PRDM16: variants seen among roughly 807,000 people sequenced by gnomAD.
PRDM16 encodes histone-lysine N-methyltransferase PRDM16.
A neutral mutation model predicts 110.6 loss-of-function variants in PRDM16; 23 were observed. The observed-to-expected ratio is 0.21, with a 90% CI of 0.15 to 0.29. The LOEUF is 0.29. PRDM16 is among the 10% of genes least tolerant of loss of function. The pLI, the probability that PRDM16 is intolerant of heterozygous loss-of-function variation, is 1.00. For missense variants in PRDM16, 1,615 were observed against 1,794.3 expected, an observed-to-expected ratio of 0.90 and a Z score of 1.81; for synonymous variants, 799 against 781.8, an observed-to-expected ratio of 1.02 and a Z score of -0.37.
At chr1:3,100,743 G>A (rs576749772) in intron 1 of PRDM16, among the ~76,000 whole-genome samples, 1 of 152,272 alleles carries the variant, frequency 6.6e-6, no homozygotes, top group East Asian at 1.9e-4. Flanking sequence ...TAGGGCTGGT[G>A]GGTCCTGTGG....
intron 3 of PRDM16, among the ~76,000 whole-genome samples, chr1:3,379,175 A>C (rs188969224): frequency 0.022 from 393 of 17,842 alleles, 7 homozygotes; most frequent in African/African-American, 0.057. Flanking sequence ...CCCCTCCCAA[A>C]ACACCCCTCC....
intron 1 of PRDM16, among the ~76,000 whole-genome samples, chr1:3,083,259 C>T (rs1293889045): frequency 6.6e-6 from 1 of 152,200 alleles, no homozygotes; most frequent in Non-Finnish European, 1.5e-5. Flanking sequence ...CTGCGCCCCA[C>T]CAAGCAGCAA....
At chr1:3,252,761 C>T (rs1018784094) in intron 3 of PRDM16, among the ~76,000 whole-genome samples, 15 of 152,090 alleles carry the variant, frequency 9.9e-5, no homozygotes, top group African/African-American at 9.7e-5. Flanking sequence ...CTGCGTGGAC[C>T]GTGGGGGTCC....
chr1:3,176,744 C>CCGTCCATA (rs1644095350), intron 1 of PRDM16, among the ~76,000 whole-genome samples: 1 of 150,494 alleles, frequency 6.6e-6, no homozygotes, highest in Non-Finnish European at 1.5e-5. Context: ...ATCCATCCAT[C>CCGTCCATA]TATTCTTCCA....
intron 3 of PRDM16, among the ~76,000 whole-genome samples, chr1:3,380,992 G>A (rs1289090313): frequency 6.6e-6 from 1 of 152,212 alleles, no homozygotes; most frequent in Non-Finnish European, 1.5e-5. Context: ...TCAGATGTGA[G>A]GTTGGATGGA....
intron 3 of PRDM16, among the ~76,000 whole-genome samples, chr1:3,319,452 G>T (rs1641689473): frequency 6.6e-6 from 1 of 152,202 alleles, no homozygotes; most frequent in Admixed American, 6.5e-5. Context: ...GGGTGATGGG[G>T]AACATGCCTT....
chr1:3,073,223 C>A (rs949696740), intron 1 of PRDM16, among the ~76,000 whole-genome samples: 2 of 152,224 alleles, frequency 1.3e-5, no homozygotes, highest in African/African-American at 4.8e-5. Flanking sequence ...GGGCTCCCCC[C>A]ACCGGGCCCC....
chr1:3,350,025 G>C lies in PRDM16; in HGVS notation c.439-35127G>C, dbSNP rs935405281. 6.6e-6 allele frequency among the ~76,000 whole-genome samples: 1 copy of C among 152,194 alleles called. No individual in the cohort carries two copies. Among genetic ancestry groups the C allele is most frequent in the African/African-American group, 2.4e-5 (1 of 41,448 alleles). ...GCCTGGACCTGACTCCTGTCTTTGA[G>C]GGGGGAAGAGGACAGGGCAGAAAAG... On this transcript the variant is annotated intron_variant, in intron 3 of 16. Transcript: ENST00000270722. This position sits in a 1 kb window ranked among gnomAD's most constrained non-coding sequence, Gnocchi z 7.1.
intron 1 of PRDM16, among the ~76,000 whole-genome samples, chr1:3,129,122 ACGTGCGTGTGTGGGTGTCCTGCCTGG>A (rs1643276665): frequency 6.7e-6 from 1 of 149,706 alleles, no homozygotes. Context: ...GTGAGTGTGC[ACGTGCGTGTGTGGGTGTCCTGCCTGG>A]CGTGCGTGTG....
chr1:3,184,383 G>A (rs957065749), intron 1 of PRDM16, among the ~76,000 whole-genome samples: 2 of 151,346 alleles, frequency 1.3e-5, no homozygotes, highest in Non-Finnish European at 2.9e-5. Context: ...CGCAGCCAAC[G>A]ACAGGGTGCG....
rs1642972942 is a variant in PRDM16, at chr1:3,375,314, C to T, written c.439-9838C>T. On this transcript the variant is annotated intron_variant, in intron 3 of 16. Coordinates refer to ENST00000270722, the MANE Select transcript of PRDM16 (RefSeq NM_022114.4). Reference sequence around the variant, plus strand: ...TGCCGAGCCCAAGGTTTCGACAGACCCTGCTCTTTCCACGCACTGCCAATC... The same window carrying T: ...TGCCGAGCCCAAGGTTTCGACAGACTCTGCTCTTTCCACGCACTGCCAATC... Among the ~76,000 whole-genome samples, 4 of 152,326 alleles carry T rather than the reference C, an allele frequency of 2.6e-5. No homozygotes were observed. The South Asian group carries it at 8.3e-4, about 32-fold the overall frequency.
At chr1:3,192,176 G>C (rs762856967) in intron 2 of PRDM16, among the ~76,000 whole-genome samples, 1 of 152,156 alleles carries the variant, frequency 6.6e-6, no homozygotes, top group Non-Finnish European at 1.5e-5. Flanking sequence ...AGCCCCCACA[G>C]CTTAATTTTT....
intron 2 of PRDM16, among the ~76,000 whole-genome samples, chr1:3,219,892 C>T (rs539366104): frequency 6.6e-6 from 1 of 152,334 alleles, no homozygotes; most frequent in South Asian, 2.1e-4. Flanking sequence ...CATGAGGTCC[C>T]CCGGATCCAC....
At position 3,186,186 on chromosome 1, in the gene PRDM16, C is replaced by A; in HGVS notation, c.99C>A (p.Ser33Arg). The A allele has an allele frequency of 6.2e-7, 1 of 1,612,884 alleles. No individual in the cohort carries two copies. Among genetic ancestry groups the A allele is most frequent in the Non-Finnish European group, 8.5e-7 (1 of 1,179,970 alleles). ...ACCGGGACCTGCTGGCCAGCCACAG[C>A]GCGGAGGACGAGGCCGAGGACAGTG... ...EPNRDLLASHSAEDEAEDSAM... is the reference protein window; with the variant it reads ...EPNRDLLASHRAEDEAEDSAM... Residue 33 changes from serine (S) to arginine (R), a missense_variant, in exon 2 of 17, where the codon AGC (serine) becomes AGA (arginine). By Grantham distance (110) the Ser-to-Arg change is moderately radical. Around this residue, in one of 5 missense-constraint regions of PRDM16, gnomAD observed 416 missense variants for 467.1 expected, o/e 0.89. Coordinates refer to ENST00000270722, the MANE Select transcript of PRDM16 (RefSeq NM_022114.4).
chr1:3,380,822 G>A (rs11584967), intron 3 of PRDM16, among the ~76,000 whole-genome samples: 6,037 of 152,256 alleles, frequency 0.04, 152 homozygotes, highest in Middle Eastern at 0.082. Flanking sequence ...AATTCCCAGT[G>A]ACTCGATGCA....
At chr1:3,345,727 CGT>C (rs1642348447) in intron 3 of PRDM16, among the ~76,000 whole-genome samples, 1 of 150,762 alleles carries the variant, frequency 6.6e-6, no homozygotes, top group Non-Finnish European at 1.5e-5. Flanking sequence ...CGGGTCCTCC[CGT>C]GCTGCCCCCT....
In PRDM16 at chr1:3,336,578, CTGAG is replaced by C. The variant is rs558821299; in HGVS notation, c.439-48571_439-48568del. 3.1e-4 allele frequency among the ~76,000 whole-genome samples: 47 copies of C among 149,510 alleles called. No individual in the cohort carries two copies. The South Asian group carries it at 4.1e-3, about 13-fold the overall frequency. On this transcript the variant is annotated intron_variant, in intron 3 of 16. Coordinates refer to ENST00000270722, the MANE Select transcript of PRDM16 (RefSeq NM_022114.4). ...CATGCACATGTGTGTTGGTGTGAGT[CTGAG>C]TGCATGCATGCACATCTGTGTTGGT...
chr1:3,104,012 C>A (rs889932568), intron 1 of PRDM16, among the ~76,000 whole-genome samples: 1 of 152,186 alleles, frequency 6.6e-6, no homozygotes, highest in African/African-American at 2.4e-5. Flanking sequence ...TAACAAAGGG[C>A]AAAATTCACA....
At chr1:3,348,448 G>A (rs78858851) in intron 3 of PRDM16, among the ~76,000 whole-genome samples, 1,732 of 152,304 alleles carry the variant, frequency 0.011, 40 homozygotes, top group African/African-American at 0.039. Flanking sequence ...CCCAAAATCC[G>A]CGGGCCAAGG....
Sources: allele counts gnomAD v4.1 joint callset (sites outside exome capture counted in the v4.1 genomes callset), GRCh38; gene constraint gnomAD v4.1.1; regional missense constraint gnomAD v4.1.1; non-coding constraint Gnocchi (gnomAD v3.1); transcripts MANE v1.5; gene names NCBI Gene and HGNC (gene_info 2026-07-23, HGNC 2026-07-21).